Variants in CYP26C1 observed in about 807,000 individuals in gnomAD.
CYP26C1 encodes cytochrome P450 family 26 subfamily C member 1.
CYP26C1 carries 41 observed loss-of-function variants against 39.1 expected under a neutral mutation model. That is an observed-to-expected ratio of 1.05 (90% confidence interval 0.82 to 1.36). CYP26C1 has a LOEUF of 1.36. Ranked by LOEUF, CYP26C1 falls within the 40% of genes most tolerant of loss-of-function variation. The pLI, the probability that CYP26C1 is intolerant of heterozygous loss-of-function variation, is 0.00. For missense variants in CYP26C1, 833 were observed against 752.0 expected (o/e 1.11, Z -1.26); for synonymous variants, 362 against 350.8 (o/e 1.03, Z -0.36).
intron 3 of CYP26C1, 61 bp downstream of exon 3, chr10:93,063,056 G>C (rs1202748581): frequency 9.4e-6 from 14 of 1,492,410 alleles, no homozygotes; most frequent in Non-Finnish European, 1.2e-5. Flanking sequence ...GGGCCTCCCA[G>C]ACCCAGACGG....
In CYP26C1 at chr10:93,061,323, G is replaced by C. The variant is rs898974239; in HGVS notation, c.60G>C (p.Leu20=). 2.5e-6 allele frequency: 4 copies of C among 1,595,812 alleles called. No homozygotes were observed. The highest frequency in any genetic ancestry group is 3.4e-6 in the Non-Finnish European group (4 of 1,172,238). Residue 20 remains leucine (L), a synonymous_variant, in exon 1 of 6, where the codon CTG becomes CTC. Coordinates refer to ENST00000651965, the MANE Select transcript of CYP26C1 (RefSeq NM_183374.3). The stretch of plus-strand genomic sequence containing the variant: ...TGGGGGCGGCGGGCACTGCTCTCCT[G>C]TGCGCGGGCCTGCTGCTCAGCCTGG... The part of the protein sequence containing the change: ...SVLGAAGTAL[L]CAGLLLSLAQ...
At chr10:93,066,352 GCC>G in intron 5 of CYP26C1, 67 bp downstream of exon 5, 1 of 1,235,084 alleles carries the variant, frequency 8.1e-7, no homozygotes. Flanking sequence ...GCCGCCTGCC[GCC>G]TGCCGCGGCG....
At position 93,062,953 on chromosome 10, in the gene CYP26C1, C is replaced by T. The variant is rs755054671; in HGVS notation, c.663C>T (p.Leu221=). ...ARTFEQLVEN[L]FSLPLDVPFS... ...CCTTCGAGCAGCTCGTGGAGAACCT[C>T]TTCTCACTGCCTCTGGACGTTCCCT... The change falls in exon 3 of 6, where the codon CTC becomes CTT. Residue 221 remains leucine, a synonymous_variant. Coordinates refer to ENST00000651965, the MANE Select transcript of CYP26C1 (RefSeq NM_183374.3). 7 of 1,601,398 alleles carry T rather than the reference C, an allele frequency of 4.4e-6. No homozygotes were observed. In the African/African-American group the frequency reaches 8.1e-5, roughly 18 times the overall value.
At position 93,068,719 on chromosome 10, in the gene CYP26C1, G is replaced by C. The variant is rs988521627; in HGVS notation, c.*22G>C. Reference sequence around the variant, plus strand: ...CTGACATGCTTGCGCTCTAGGACACGGCTTGGCCGGTGGCTATGGCGCGCA... The same window carrying C: ...CTGACATGCTTGCGCTCTAGGACACCGCTTGGCCGGTGGCTATGGCGCGCA... On this transcript the variant is annotated 3_prime_UTR_variant, in exon 6 of 6. Transcript: ENST00000651965. 6 of 1,488,480 alleles carry C rather than the reference G, an allele frequency of 4.0e-6. No individual in the cohort carries two copies. The highest frequency in any genetic ancestry group is 5.4e-6 in the Non-Finnish European group (6 of 1,119,580). The allele number at this position is 1,488,480 out of a possible 1,614,324, so 92.2% of individuals were successfully genotyped here. A position where few individuals can be genotyped will look rare whatever the true frequency, so the allele number is the denominator to read the frequency against.
rs551889242 is a variant in CYP26C1 at position 93,068,537 on chromosome 10, A to C, written c.1409A>C (p.Gln470Pro). ...LGQELAQAVL[Q>P]LLAVELVRTA... ...CAGGAGCTGGCGCAAGCCGTGCTCC[A>C]GCTGCTAGCTGTGGAGCTAGTGCGC... Residue 470 changes from glutamine to proline, a missense_variant, in exon 6 of 6, where the codon CAG (glutamine) becomes CCG (proline). By Grantham distance (76) the Gln-to-Pro change is moderately conservative. Transcript: ENST00000651965. 3 of 1,600,060 alleles carry C rather than the reference A, an allele frequency of 1.9e-6. No individual in the cohort carries two copies. The highest frequency in any genetic ancestry group is 1.1e-5 in the South Asian group (1 of 89,398).
Position 93,064,542 on chromosome 10 carries a change from T to A in CYP26C1, c.861+6T>A. The A allele has an allele frequency of 6.2e-7, 1 of 1,609,602 alleles. No individual in the cohort carries two copies. Among genetic ancestry groups the A allele is most frequent in the Non-Finnish European group, 8.5e-7 (1 of 1,176,800 alleles). ...CCTCCATGCAGGAGCTGAAGGTAGGTGCTGACAGGCCGCTCCTTCTCCCCT... is the reference window on the plus strand; with the variant it reads ...CCTCCATGCAGGAGCTGAAGGTAGGAGCTGACAGGCCGCTCCTTCTCCCCT... On this transcript the variant is annotated splice_donor_region_variant and intron_variant, in intron 4 of 5. Transcript: ENST00000651965.
chr10:93,062,644 G>C, intron 2 of CYP26C1, 76 bp from the exon 3 acceptor site: 1 of 1,268,914 alleles, frequency 7.9e-7, no homozygotes, highest in Non-Finnish European at 1.0e-6. Flanking sequence ...ACCGGAACTG[G>C]CCTTCTGGCT....
chr10:93,062,577 T>A, intron 2 of CYP26C1, 143 bp from the exon 3 acceptor site: 1 of 732,330 alleles, frequency 1.4e-6, no homozygotes, highest in Non-Finnish European at 2.1e-6. Flanking sequence ...CTGGGGGAAA[T>A]GGCGAAAGCA....
At position 93,068,737 on chromosome 10, in the gene CYP26C1, G is replaced by A. The variant is rs765086440; in HGVS notation, c.*40G>A. 15 of 1,468,678 alleles carry A rather than the reference G, an allele frequency of 1.0e-5. No individual in the cohort carries two copies. The Middle Eastern group carries it at 1.0e-3, about 101-fold the overall frequency. The allele number at this position is 1,468,678 out of a possible 1,614,324, so 91.0% of individuals were successfully genotyped here. A position where few individuals can be genotyped will look rare whatever the true frequency, so the allele number is the denominator to read the frequency against. On this transcript the variant is annotated 3_prime_UTR_variant, in exon 6 of 6. Coordinates refer to ENST00000651965, the MANE Select transcript of CYP26C1 (RefSeq NM_183374.3). ...AGGACACGGCTTGGCCGGTGGCTAT[G>A]GCGCGCACGCAGCGCCACCCATCTG...
Position 93,061,148 on chromosome 10 carries a change from C to A in CYP26C1, c.-116C>A. 1 of 1,127,460 alleles carries A rather than the reference C, an allele frequency of 8.9e-7. No individual in the cohort carries two copies. The highest frequency in any genetic ancestry group is 1.2e-6 in the Non-Finnish European group (1 of 800,032). The allele number at this position is 1,127,460 out of a possible 1,614,324, so 69.8% of individuals were successfully genotyped here. A position where few individuals can be genotyped will look rare whatever the true frequency, so the allele number is the denominator to read the frequency against. ...GCTTATAAATCTCGGGCTTTGCCCC[C>A]AAACCCCAGGCCTTTTGCGGACGGA... On this transcript the variant is annotated 5_prime_UTR_variant, in exon 1 of 6. Coordinates refer to ENST00000651965, the MANE Select transcript of CYP26C1 (RefSeq NM_183374.3).
rs534350291 is a variant in CYP26C1, at chr10:93,062,837, G to A, written c.547G>A (p.Asp183Asn). 3.1e-6 allele frequency: 5 copies of A among 1,588,116 alleles called. No individual in the cohort carries two copies. The highest frequency in any genetic ancestry group is 3.4e-6 in the Non-Finnish European group (4 of 1,172,820). Residue 183 changes from aspartate (D) to asparagine (N), a missense_variant, in exon 3 of 6, where the codon GAC becomes AAC. Transcript: ENST00000651965. Reference protein sequence around the residue: ...CAAGGPVSVYDASKALTFRMA... With the variant: ...CAAGGPVSVYNASKALTFRMA... Reference sequence around the variant, plus strand: ...GGCGGGCGGGCCGGTCTCAGTCTACGACGCCTCCAAAGCGCTCACCTTCCG... The same window carrying A: ...GGCGGGCGGGCCGGTCTCAGTCTACAACGCCTCCAAAGCGCTCACCTTCCG...
Position 93,061,997 on chromosome 10 carries a change from G to A in CYP26C1, c.205-13G>A. 7 of 1,551,460 alleles carry A rather than the reference G, an allele frequency of 4.5e-6. No homozygotes were observed. The highest frequency in any genetic ancestry group is 6.1e-6 in the Non-Finnish European group (7 of 1,147,176). Reference sequence around the variant, plus strand: ...CAGAAGTTCCAGCTCTCCACCCTCCGCCTCGCCCGCAGGGCTCGCGCTTCC... The same window carrying A: ...CAGAAGTTCCAGCTCTCCACCCTCCACCTCGCCCGCAGGGCTCGCGCTTCC... On this transcript the variant is annotated splice_polypyrimidine_tract_variant and intron_variant, in intron 1 of 5. Coordinates refer to ENST00000651965, the MANE Select transcript of CYP26C1 (RefSeq NM_183374.3).
At chr10:93,064,616 C>T in intron 4 of CYP26C1, 80 bp downstream of exon 4, 1 of 1,531,822 alleles carries the variant, frequency 6.5e-7, no homozygotes, top group Non-Finnish European at 8.8e-7. Flanking sequence ...TCCCCAGAGC[C>T]ACATCTTGTG....
chr10:93,067,129 G>A (rs1474186509), intron 5 of CYP26C1, among the ~76,000 whole-genome samples: 1 of 152,264 alleles, frequency 6.6e-6, no homozygotes. Flanking sequence ...GGCACATTGC[G>A]TGCCAGGGTT....
chr10:93,062,315 G>C, intron 2 of CYP26C1, 81 bp downstream of exon 2: 1 of 1,408,478 alleles, frequency 7.1e-7, no homozygotes, highest in Non-Finnish European at 9.4e-7. Context: ...CGGGGCCCCG[G>C]TGTTGGATAC....
Position 93,061,271 on chromosome 10 carries a change from C to T in CYP26C1, c.8C>T (p.Pro3Leu), listed in dbSNP as rs747691800. Reference protein sequence around the residue: MFPWGLSCLSVLG... With the variant: MFLWGLSCLSVLG... The stretch of plus-strand genomic sequence containing the variant: ...GGCCCCCGCGGGCTCATCATGTTCC[C>T]TTGGGGGCTGAGCTGCCTGTCAGTG... Residue 3 changes from proline (P) to leucine (L), a missense_variant, in exon 1 of 6, where the codon CCT becomes CTT. Physicochemically the swap from Pro to Leu is moderately conservative, Grantham distance 98. Coordinates refer to ENST00000651965, the MANE Select transcript of CYP26C1 (RefSeq NM_183374.3). The T allele has an allele frequency of 8.2e-6, 13 of 1,581,874 alleles. No individual in the cohort carries two copies. The Admixed American group carries it at 2.2e-4, about 26-fold the overall frequency.
At position 93,068,743 on chromosome 10, in the gene CYP26C1, C is replaced by A. The variant is rs1846861402; in HGVS notation, c.*46C>A. On this transcript the variant is annotated 3_prime_UTR_variant, in exon 6 of 6. Coordinates refer to ENST00000651965, the MANE Select transcript of CYP26C1 (RefSeq NM_183374.3). Reference sequence around the variant, plus strand: ...CGGCTTGGCCGGTGGCTATGGCGCGCACGCAGCGCCACCCATCTGCCGCTC... The same window carrying A: ...CGGCTTGGCCGGTGGCTATGGCGCGAACGCAGCGCCACCCATCTGCCGCTC... 2 of 1,463,310 alleles carry A rather than the reference C, an allele frequency of 1.4e-6. No homozygotes were observed. Among genetic ancestry groups the A allele is most frequent in the Middle Eastern group, 2.6e-4 (1 of 3,856 alleles). 90.6% of individuals were successfully genotyped at this position (1,463,310 alleles called of 1,614,324 possible).
At chr10:93,066,310 G>A (rs756668316) in intron 5 of CYP26C1, 25 bp downstream of exon 5, 8 of 1,311,724 alleles carry the variant, frequency 6.1e-6, no homozygotes, top group Non-Finnish European at 7.8e-6. Flanking sequence ...CCAGCCCATG[G>A]CCAGCCTCCT....
At chr10:93,063,471 C>T in intron 3 of CYP26C1, 2 of 988,086 alleles carry the variant, frequency 2.0e-6, no homozygotes. Flanking sequence ...GTCAGCTCCA[C>T]CAGCCCTGGA....
Sources: allele counts gnomAD v4.1 joint callset (sites outside exome capture counted in the v4.1 genomes callset), GRCh38; gene constraint gnomAD v4.1.1; transcripts MANE v1.5; gene names NCBI Gene and HGNC (gene_info 2026-07-23, HGNC 2026-07-21).